The following XPNPEP1 variants were observed in gnomAD, a reference collection of about 807,000 sequenced individuals.
XPNPEP1 encodes the protein X-prolyl aminopeptidase 1.
Under a neutral mutation model 92.4 loss-of-function variants are expected in XPNPEP1, and 39 were observed. The ratio of observed to expected loss-of-function variants is 0.42; its 90% CI spans 0.33 to 0.55. XPNPEP1 has a LOEUF of 0.55. XPNPEP1 is among the 20% of genes least tolerant of loss of function. XPNPEP1 has a pLI of 0.08. For missense variants in XPNPEP1, 654 were observed against 856.1 expected, an observed-to-expected ratio of 0.76 and a Z score of 2.95; for synonymous variants, 307 against 299.4, an observed-to-expected ratio of 1.03 and a Z score of -0.26.
chr10:109,870,301 C>T (rs897079372), intron 18 of XPNPEP1, among the ~76,000 whole-genome samples: 3 of 152,032 alleles, frequency 2.0e-5, no homozygotes, highest in African/African-American at 7.2e-5. Context: ...CTAAATAAAT[C>T]ATGGTTCACA....
At chr10:109,880,123 A>T in intron 12 of XPNPEP1, 65 bp downstream of exon 12, 1 of 1,515,634 alleles carries the variant, frequency 6.6e-7, no homozygotes, top group Non-Finnish European at 9.2e-7. Context: ...TGCTAGAGTT[A>T]GAATCACATA....
chr10:109,901,483 C>G (rs918895766), intron 3 of XPNPEP1, among the ~76,000 whole-genome samples: 1 of 152,158 alleles, frequency 6.6e-6, no homozygotes, highest in Non-Finnish European at 1.5e-5. Flanking sequence ...TACCTGTTCA[C>G]GTTCCAATTT....
intron 17 of XPNPEP1, among the ~76,000 whole-genome samples, 189 bp downstream of exon 17, chr10:109,871,603 C>G (rs946561218): frequency 2.6e-5 from 4 of 152,190 alleles, no homozygotes; most frequent in African/African-American, 4.8e-5. Flanking sequence ...CCAATCCTAA[C>G]CCGGCTCCCT....
intron 2 of XPNPEP1, among the ~76,000 whole-genome samples, chr10:109,910,756 C>T (rs78586434): frequency 0.018 from 2,667 of 152,198 alleles, 39 homozygotes; most frequent in South Asian, 0.098. Flanking sequence ...TTTAGGTGGA[C>T]GTAAGATTCC....
intron 2 of XPNPEP1, among the ~76,000 whole-genome samples, chr10:109,913,523 T>C (rs1486658944): frequency 6.6e-6 from 1 of 152,238 alleles, no homozygotes; most frequent in Non-Finnish European, 1.5e-5. Context: ...CTAAGGGCTT[T>C]ACATACATTA....
chr10:109,875,744 GAATT>G (rs1257251590), intron 14 of XPNPEP1, 145 bp from the exon 15 acceptor site: 1 of 620,098 alleles, frequency 1.6e-6, no homozygotes, highest in Admixed American at 2.9e-5. Context: ...ATGCAATAAT[GAATT>G]ATTTCAACTA....
intron 3 of XPNPEP1, 154 bp from the exon 4 acceptor site, chr10:109,893,229 C>G: frequency 1.6e-6 from 1 of 623,384 alleles, no homozygotes; most frequent in Non-Finnish European, 2.9e-6. Context: ...CTGAAAACAA[C>G]AGATTAGCAC....
chr10:109,871,487 A>C (rs1847470587), intron 17 of XPNPEP1, among the ~76,000 whole-genome samples: 1 of 152,218 alleles, frequency 6.6e-6, no homozygotes, highest in Admixed American at 6.5e-5. Context: ...ACTTCCACTC[A>C]GGCCCTGTGA....
In XPNPEP1 at chr10:109,889,767, CTT is replaced by C. The variant is rs1392452757; in HGVS notation, c.416-1174_416-1173del. ...TTCACATATTCTAAAACAGTAGAAA[CTT>C]ATCTTTACTATTTTCTCTACTGACT... On this transcript the variant is annotated intron_variant, in intron 5 of 20. Coordinates refer to ENST00000502935, the MANE Select transcript of XPNPEP1 (RefSeq NM_020383.4). Among the ~76,000 whole-genome samples, 8 of 152,168 alleles carry C rather than the reference CTT, an allele frequency of 5.3e-5. No individual in the cohort carries two copies. In the East Asian group the frequency reaches 1.5e-3, roughly 29 times the overall value.
intron 11 of XPNPEP1, 107 bp downstream of exon 11, chr10:109,880,735 C>CAGAG (rs145792665): frequency 0.028 from 30,428 of 1,091,698 alleles, 605 homozygotes; most frequent in Non-Finnish European, 0.031. Flanking sequence ...GGCTGAGGCT[C>CAGAG]AGAGAGATTC....
Position 109,903,349 on chromosome 10 carries a change from C to T in XPNPEP1, c.246+4342G>A, listed in dbSNP as rs77778892. Among the ~76,000 whole-genome samples, 408 of 152,316 alleles carry T rather than the reference C, an allele frequency of 2.7e-3. 2 individuals carry two copies. Among genetic ancestry groups the T allele is most frequent in the African/African-American group, 9.0e-3 (374 of 41,578 alleles). ...GGAGTCTTCAGCTGAGGCTCCATGA[C>T]GACCTGTGAGAACCCTTTCGGAGGA... On this transcript the variant is annotated intron_variant, in intron 3 of 20. Transcript: ENST00000502935.
chr10:109,879,565 G>A (rs1018401798), intron 12 of XPNPEP1, among the ~76,000 whole-genome samples: 11 of 151,828 alleles, frequency 7.2e-5, no homozygotes, highest in Non-Finnish European at 7.4e-5. Flanking sequence ...GTGAGACTCC[G>A]TCTCAAAAAA....
At chr10:109,906,871 T>C (rs55717725) in intron 3 of XPNPEP1, among the ~76,000 whole-genome samples, 33,648 of 152,126 alleles carry the variant, frequency 0.22, 4,506 homozygotes, top group South Asian at 0.49. Context: ...CTGTCTCCCC[T>C]GTGCCATGAA....
Position 109,923,508 on chromosome 10 carries a change from G to A in XPNPEP1, c.-75C>T. Reference sequence around the variant, plus strand: ...TCACCCGCGGAAGGGCCGGCGCGAAGGAGGCGCGAGAGCCGGCGGGCGGGC... The same window carrying A: ...TCACCCGCGGAAGGGCCGGCGCGAAAGAGGCGCGAGAGCCGGCGGGCGGGC... On this transcript the variant is annotated 5_prime_UTR_variant, in exon 1 of 21. Transcript: ENST00000502935. 5.7e-6 allele frequency: 7 copies of A among 1,218,838 alleles called. No individual in the cohort carries two copies. Among genetic ancestry groups the A allele is most frequent in the African/African-American group, 2.0e-5 (1 of 49,248 alleles). 75.5% of individuals were successfully genotyped at this position (1,218,838 alleles called of 1,614,324 possible).
chr10:109,896,207 C>G (rs1242655829), intron 3 of XPNPEP1, among the ~76,000 whole-genome samples: 1 of 152,134 alleles, frequency 6.6e-6, no homozygotes, highest in Non-Finnish European at 1.5e-5. Flanking sequence ...CTGTACTACC[C>G]AGCTATAATA....
chr10:109,914,355 G>C (rs1174368728), intron 2 of XPNPEP1, among the ~76,000 whole-genome samples: 1 of 152,066 alleles, frequency 6.6e-6, no homozygotes, highest in African/African-American at 2.4e-5. Flanking sequence ...TAATTTCTAA[G>C]ATAATGAAGG....
At chr10:109,912,906 T>C (rs1040608673) in intron 2 of XPNPEP1, among the ~76,000 whole-genome samples, 2 of 152,240 alleles carry the variant, frequency 1.3e-5, no homozygotes, top group African/African-American at 4.8e-5. Flanking sequence ...CTATGATCTT[T>C]TCAGTCTCAA....
chr10:109,911,252 A>G (rs1467338007), intron 2 of XPNPEP1, among the ~76,000 whole-genome samples: 3 of 152,260 alleles, frequency 2.0e-5, no homozygotes, highest in Non-Finnish European at 2.9e-5. Flanking sequence ...CTTGCATTAC[A>G]CCTGCTTCTG....
intron 14 of XPNPEP1, chr10:109,875,880 T>C (rs2133375925): frequency 3.3e-6 from 1 of 302,970 alleles, no homozygotes; most frequent in Non-Finnish European, 6.3e-6. Flanking sequence ...TGAAACAAAA[T>C]AGGTGTTCAA....
Sources: gnomAD v4.1 joint callset for allele counts (sites outside exome capture counted in the v4.1 genomes callset) on GRCh38, gnomAD v4.1.1 for gene constraint, MANE v1.5 for transcripts, NCBI Gene and HGNC (gene_info 2026-07-23, HGNC 2026-07-21) for gene names.